ABCC4: variants seen among roughly 807,000 people sequenced by gnomAD.
The protein encoded by ABCC4 is ATP binding cassette subfamily C member 4 (PEL blood group).
A neutral mutation model predicts 168.5 loss-of-function variants in ABCC4; 102 were observed. That is an observed-to-expected ratio of 0.61 (90% confidence interval 0.52 to 0.71). The LOEUF (loss-of-function observed/expected upper bound fraction) is 0.71. Ranked by LOEUF, ABCC4 falls within the 30% of genes least tolerant of loss-of-function variation. The pLI, the probability that ABCC4 is intolerant of heterozygous loss-of-function variation, is 0.00. For synonymous variants in ABCC4, 617 were observed against 590.7 expected (o/e 1.04, Z -0.65); for missense variants, 1,402 against 1,605.8 (o/e 0.87, Z 2.17).
intron 13 of ABCC4, among the ~76,000 whole-genome samples, chr13:95,173,228 A>ACTAT (rs2037539779): frequency 1.3e-5 from 2 of 152,346 alleles, no homozygotes; most frequent in Middle Eastern, 3.4e-3. Flanking sequence ...GAGCCATGAG[A>ACTAT]CTATCTGGGG....
At chr13:95,133,744 C>G (rs1294232168) in intron 19 of ABCC4, among the ~76,000 whole-genome samples, 1 of 152,126 alleles carries the variant, frequency 6.6e-6, no homozygotes, top group Non-Finnish European at 1.5e-5. Context: ...AAGGAAGAGC[C>G]TGCCTGTGGT....
Position 95,292,746 on chromosome 13 carries a change from T to C in ABCC4, c.74+8495A>G, listed in dbSNP as rs571551558. On this transcript the variant is annotated intron_variant, in intron 1 of 30. Transcript: ENST00000645237. ...TCTTCCTTTCAACCCACTAATTCTA[T>C]GACACTAAGGAAAAGGGGAAGATAG... is the stretch of plus-strand genomic sequence containing the variant. 9.9e-5 allele frequency among the ~76,000 whole-genome samples: 15 copies of C among 152,118 alleles called. 1 individual carries two copies. The highest frequency in any genetic ancestry group is 3.6e-4 in the African/African-American group (15 of 41,502).
At chr13:95,171,906 T>G (rs1045691872) in intron 13 of ABCC4, among the ~76,000 whole-genome samples, 1 of 152,208 alleles carries the variant, frequency 6.6e-6, no homozygotes, top group African/African-American at 2.4e-5. Context: ...CTTATACCCC[T>G]CTTCAGGTTT....
At chr13:95,193,425 C>CTCCT (rs2038321083) in intron 9 of ABCC4, among the ~76,000 whole-genome samples, 1 of 152,194 alleles carries the variant, frequency 6.6e-6, no homozygotes, top group Non-Finnish European at 1.5e-5. Flanking sequence ...CTGGGCTCTG[C>CTCCT]TCCTGGCAGA....
chr13:95,062,128 G>A (rs921260397), intron 26 of ABCC4, among the ~76,000 whole-genome samples: 6 of 152,164 alleles, frequency 3.9e-5, no homozygotes, highest in African/African-American at 1.4e-4. Flanking sequence ...TGAAGCAGAA[G>A]TGCAGAGAGA....
At chr13:95,194,763 C>A in intron 9 of ABCC4, 73 bp downstream of exon 9, 2 of 1,256,066 alleles carry the variant, frequency 1.6e-6, no homozygotes, top group Non-Finnish European at 2.3e-6. Flanking sequence ...TGTGTAACAC[C>A]TCAAAATTCT....
intron 4 of ABCC4, among the ~76,000 whole-genome samples, chr13:95,221,943 T>C (rs1315645804): frequency 6.6e-6 from 1 of 152,198 alleles, no homozygotes; most frequent in Non-Finnish European, 1.5e-5. Context: ...CATCCTCTAG[T>C]ACAGAAACTT....
rs532518142 is a variant in ABCC4 at position 95,234,006 on chromosome 13, C to T, written c.531+604G>A. On this transcript the variant is annotated intron_variant, in intron 4 of 30. Coordinates refer to ENST00000645237, the MANE Select transcript of ABCC4 (RefSeq NM_005845.5). ...TTAGAATATAAAGAAAGCCTGTATC[C>T]GACGTGGATTCCATTTACATTTTTC... Among the ~76,000 whole-genome samples the T allele has an allele frequency of 2.2e-4, 34 of 152,184 alleles. No homozygotes were observed. In the East Asian group the frequency reaches 3.7e-3, roughly 16 times the overall value.
At chr13:95,220,570 C>CACTAACTAGTGAA (rs2039286042) in intron 4 of ABCC4, among the ~76,000 whole-genome samples, 1 of 152,126 alleles carries the variant, frequency 6.6e-6, no homozygotes, top group African/African-American at 2.4e-5. Context: ...AAATGTCTTA[C>CACTAACTAGTGAA]TAATGACTTA....
chr13:95,116,560 T>C (rs1456640968), intron 19 of ABCC4, among the ~76,000 whole-genome samples: 7 of 152,180 alleles, frequency 4.6e-5, no homozygotes, highest in Non-Finnish European at 1.5e-5. Flanking sequence ...CAAGTTGTCA[T>C]TTTCAGATGT....
intron 1 of ABCC4, among the ~76,000 whole-genome samples, chr13:95,261,936 CA>C (rs986221820): frequency 7.0e-6 from 1 of 143,260 alleles, no homozygotes; most frequent in Non-Finnish European, 1.5e-5. Context: ...TCTCTCCACA[CA>C]AAAAAAAAAA....
chr13:95,211,277 T>C (rs193286866), intron 4 of ABCC4, among the ~76,000 whole-genome samples: 3 of 152,264 alleles, frequency 2.0e-5, no homozygotes, highest in Non-Finnish European at 2.9e-5. Flanking sequence ...ATCAACTATC[T>C]GGAGGACACC....
chr13:95,159,573 C>T (rs911270387), intron 19 of ABCC4, among the ~76,000 whole-genome samples: 1 of 152,104 alleles, frequency 6.6e-6, no homozygotes, highest in East Asian at 1.9e-4. Context: ...ATGAGCATTC[C>T]GAGGCCTGTG....
At chr13:95,043,812 AT>A (rs771894163) in intron 28 of ABCC4, 25 bp from the exon 29 acceptor site, 53 of 1,563,950 alleles carry the variant, frequency 3.4e-5, no homozygotes, top group Non-Finnish European at 4.1e-5. Context: ...GTTAAGTTTA[AT>A]TTCGTAAAGA....
At chr13:95,271,169 C>T (rs919776117) in intron 1 of ABCC4, among the ~76,000 whole-genome samples, 2 of 152,192 alleles carry the variant, frequency 1.3e-5, no homozygotes, top group East Asian at 1.9e-4. Flanking sequence ...GCCAGATGGC[C>T]TTTCTCTCTT....
chr13:95,176,472 G>A (rs1050073510), intron 13 of ABCC4, among the ~76,000 whole-genome samples: 2 of 152,082 alleles, frequency 1.3e-5, no homozygotes, highest in Non-Finnish European at 2.9e-5. Context: ...TCCAGCCTGG[G>A]CAACAGAGCG....
At chr13:95,096,582 G>C (rs1453672720) in intron 20 of ABCC4, among the ~76,000 whole-genome samples, 1 of 152,030 alleles carries the variant, frequency 6.6e-6, no homozygotes, top group Non-Finnish European at 1.5e-5. Flanking sequence ...ATAATGTATA[G>C]TGCAACAAGC....
chr13:95,053,038 G>C, intron 27 of ABCC4, 57 bp downstream of exon 27: 1 of 1,428,108 alleles, frequency 7.0e-7, no homozygotes, highest in Non-Finnish European at 9.9e-7. Flanking sequence ...TGCTGTAAAG[G>C]TACATATACA....
At chr13:95,261,662 G>T (rs1320116233) in intron 1 of ABCC4, among the ~76,000 whole-genome samples, 2 of 152,046 alleles carry the variant, frequency 1.3e-5, no homozygotes, top group African/African-American at 2.4e-5. Context: ...TATATACAGA[G>T]TTTTACACAA....
Sources: allele counts gnomAD v4.1 joint callset (sites outside exome capture counted in the v4.1 genomes callset), GRCh38; gene constraint gnomAD v4.1.1; transcripts MANE v1.5; gene names NCBI Gene and HGNC (gene_info 2026-07-23, HGNC 2026-07-21).